KIAA1671: variants seen among roughly 807,000 people sequenced by gnomAD.
KIAA1671 encodes the protein uncharacterized protein KIAA1671.
Under a neutral mutation model 131.2 loss-of-function variants are expected in KIAA1671, and 52 were observed. The ratio of observed to expected loss-of-function variants is 0.40; its 90% CI spans 0.32 to 0.50. The LOEUF (loss-of-function observed/expected upper bound fraction) is 0.50, where lower values mean the gene tolerates loss of function less well. Ranked by LOEUF, KIAA1671 falls within the 20% of genes least tolerant of loss-of-function variation. The pLI is 0.73. For missense variants in KIAA1671, 2,360 were observed against 2,364.2 expected, an observed-to-expected ratio of 1.00 and a Z score of 0.04; for synonymous variants, 1,003 against 961.6, an observed-to-expected ratio of 1.04 and a Z score of -0.80.
chr22:25,123,301 A>G (rs1932033494), intron 6 of KIAA1671, among the ~76,000 whole-genome samples: 1 of 138,652 alleles, frequency 7.2e-6, no homozygotes, highest in Admixed American at 7.9e-5. Flanking sequence ...GGTTCAAGTG[A>G]TTTTCCTGCC....
At chr22:25,182,323 TTTTCTCTTCTTTCTTTCCTCCCTCCC>T (rs67723160) in intron 10 of KIAA1671, among the ~76,000 whole-genome samples, 42,355 of 145,644 alleles carry the variant, frequency 0.29, 6,817 homozygotes, top group East Asian at 0.47. Flanking sequence ...TTCTCCTTCC[TTTTCTCTTCTTTCTTTCCTCCCTCCC>T]TTTCTCTTCT....
chr22:25,185,285 T>C, intron 11 of KIAA1671, 166 bp downstream of exon 11: 1 of 798,112 alleles, frequency 1.3e-6, no homozygotes, highest in Non-Finnish European at 1.9e-6. Context: ...CTCAGATACC[T>C]AAAAAGTACA....
At chr22:25,024,100 A>T (rs1416004292) in intron 1 of KIAA1671, 1 of 152,254 alleles carries the variant, frequency 6.6e-6, no homozygotes, top group Non-Finnish European at 1.5e-5. Flanking sequence ...TACAAAGCAG[A>T]TGACGGGTCA....
chr22:25,034,410 T>A (rs1195574962), intron 4 of KIAA1671, among the ~76,000 whole-genome samples: 1 of 151,944 alleles, frequency 6.6e-6, no homozygotes, highest in East Asian at 1.9e-4. Context: ...TTTCTGTCCG[T>A]GTAGATTAGT....
chr22:25,056,649 A>C (rs1927853437), intron 6 of KIAA1671: 1 of 150,216 alleles, frequency 6.7e-6, no homozygotes, highest in Non-Finnish European at 1.5e-5. Context: ...TGCCATCTGT[A>C]CTAAAAATAC....
At chr22:25,162,237 G>T (rs1933471515) in intron 6 of KIAA1671, among the ~76,000 whole-genome samples, 1 of 152,196 alleles carries the variant, frequency 6.6e-6, no homozygotes, top group Non-Finnish European at 1.5e-5. Context: ...TACTGGTCTG[G>T]CCTGGACACA....
rs115273955 is a variant in KIAA1671, at chr22:25,068,762, C to T, written c.4530+19398C>T. Among the ~76,000 whole-genome samples, 411 of 152,266 alleles carry T rather than the reference C, an allele frequency of 2.7e-3. 1 individual carries two copies. The highest frequency in any genetic ancestry group is 9.3e-3 in the African/African-American group (386 of 41,572). On this transcript the variant is annotated intron_variant, in intron 6 of 12. Coordinates refer to ENST00000358431, the MANE Select transcript of KIAA1671 (RefSeq NM_001145206.2). ...ACCCTCTCCTTATTTAAGTGAGTTT[C>T]CTGTTAGATGCTCTGCCTGGTGTCC...
In KIAA1671 at chr22:25,185,021, C is replaced by T. The variant is rs767649206; in HGVS notation, c.5244C>T (p.Thr1748=). Residue 1748 remains threonine (T), a synonymous_variant, in exon 11 of 13, where the codon ACC becomes ACT. Coordinates refer to ENST00000358431, the MANE Select transcript of KIAA1671 (RefSeq NM_001145206.2). ...CAGAGGTGGACAGTCCTGGCGAGAC[C>T]CCCAGCTGGGCACCCCAACCCAAGA... ...KRPEVDSPGE[T]PSWAPQPKSP... is the part of the protein sequence containing the mutation. 6.4e-7 allele frequency: 1 copy of T among 1,551,618 alleles called. No homozygotes were observed. Among genetic ancestry groups the T allele is most frequent in the East Asian group, 2.4e-5 (1 of 40,912 alleles).
rs949290107 is a variant in KIAA1671, at chr22:25,184,987, A to G, written c.5210A>G (p.His1737Arg). 2 of 1,551,456 alleles carry G rather than the reference A, an allele frequency of 1.3e-6. No homozygotes were observed. Among genetic ancestry groups the G allele is most frequent in the African/African-American group, 2.7e-5 (2 of 73,040 alleles). Residue 1737 changes from histidine to arginine, a missense_variant, in exon 11 of 13, where the codon CAC becomes CGC. This residue lies in a region of KIAA1671 where 1,161 missense variants were observed against 1,204.7 expected (regional missense o/e 0.96). Transcript: ENST00000358431. ...CTCTTTTCTCCCCAGGCTCAGCTGC[A>G]CAAGAGGCCAGAGGTGGACAGTCCT... ...MDPAVLKAQL[H>R]KRPEVDSPGE...
At chr22:25,186,122 G>A (rs1173774093) in intron 11 of KIAA1671, 2 of 152,204 alleles carry the variant, frequency 1.3e-5, no homozygotes, top group Non-Finnish European at 2.9e-5. Flanking sequence ...AACTGCTTTA[G>A]TGCTACCACT....
At chr22:25,108,828 G>C (rs1236532201) in intron 6 of KIAA1671, among the ~76,000 whole-genome samples, 1 of 152,112 alleles carries the variant, frequency 6.6e-6, no homozygotes, top group Non-Finnish European at 1.5e-5. Context: ...CTGTGACTTG[G>C]AATTTCTTAT....
chr22:25,067,054 G>A (rs563817274), intron 6 of KIAA1671, among the ~76,000 whole-genome samples: 1 of 152,288 alleles, frequency 6.6e-6, no homozygotes, highest in Admixed American at 6.5e-5. Flanking sequence ...CACGGGTCAG[G>A]GTGGTGGTCA....
In KIAA1671 at chr22:25,185,050, C is replaced by T; in HGVS notation, c.5273C>T (p.Pro1758Leu). ...AGCTGGGCACCCCAACCCAAGAGCC[C>T]CAAGTCCCCCTTCCAGCCTGGGGTG... ...TPSWAPQPKS[P>L]KSPFQPGVLG... Residue 1758 changes from proline (P) to leucine (L), a missense_variant, in exon 11 of 13, where the codon CCC (proline) becomes CTC (leucine). By Grantham distance (98) the Pro-to-Leu change is moderately conservative (BLOSUM62 -3). Coordinates refer to ENST00000358431, the MANE Select transcript of KIAA1671 (RefSeq NM_001145206.2). The T allele has an allele frequency of 6.4e-7, 1 of 1,551,650 alleles. No individual in the cohort carries two copies. The highest frequency in any genetic ancestry group is 8.7e-7 in the Non-Finnish European group (1 of 1,146,986).
At chr22:25,050,835 T>A (rs1927494483) in intron 6 of KIAA1671, 1 of 152,286 alleles carries the variant, frequency 6.6e-6, no homozygotes, top group Non-Finnish European at 1.5e-5. Flanking sequence ...TTCCATTGAC[T>A]TCTTTCTCAG....
intron 1 of KIAA1671, among the ~76,000 whole-genome samples, chr22:25,006,472 G>GA (rs1569204298): frequency 1.3e-5 from 2 of 152,122 alleles, no homozygotes; most frequent in African/African-American, 4.8e-5. Context: ...TGGTCGCCTG[G>GA]GGGGCGACCG....
In KIAA1671 at chr22:25,028,015, G is replaced by A. The variant is rs1926044311; in HGVS notation, c.16G>A (p.Glu6Lys). Residue 6 changes from glutamate to lysine, a missense_variant, in exon 3 of 13, where the codon GAG becomes AAG. Physicochemically the swap from Glu to Lys is moderately conservative, Grantham distance 56. This residue lies in a region of KIAA1671 where 1,185 missense variants were observed against 1,126.2 expected (regional missense o/e 1.05). Coordinates refer to ENST00000358431, the MANE Select transcript of KIAA1671 (RefSeq NM_001145206.2). MATRV[E>K]VGSITPLTAV... ...AACCATAACCATGGCCACGCGGGTC[G>A]AGGTGGGCTCCATAACGCCCTTGAC... 2 of 1,497,478 alleles carry A rather than the reference G, an allele frequency of 1.3e-6. No individual in the cohort carries two copies. The highest frequency in any genetic ancestry group is 1.8e-6 in the Non-Finnish European group (2 of 1,119,288). The allele number at this position is 1,497,478 out of a possible 1,614,324, so 92.8% of individuals were successfully genotyped here. A position where few individuals can be genotyped will look rare whatever the true frequency, so the allele number is the denominator to read the frequency against.
intron 6 of KIAA1671, among the ~76,000 whole-genome samples, chr22:25,156,013 T>TA (rs1491315682): frequency 2.9e-5 from 1 of 34,662 alleles, no homozygotes; most frequent in African/African-American, 2.7e-4. Flanking sequence ...GTGTATGTGC[T>TA]TTTTTTTTTT....
intron 4 of KIAA1671, 147 bp downstream of exon 4, chr22:25,032,843 A>G (rs1926367204): frequency 2.0e-6 from 1 of 490,818 alleles, no homozygotes; most frequent in African/African-American, 1.9e-5. Flanking sequence ...TAATGTTGGG[A>G]CTTTGAAGTC....
Position 25,029,378 on chromosome 22 carries a change from T to C in KIAA1671, c.1379T>C (p.Leu460Pro), listed in dbSNP as rs374342090. 205 of 1,551,356 alleles carry C rather than the reference T, an allele frequency of 1.3e-4. 1 individual carries two copies. The African/African-American group carries it at 2.4e-3, about 18-fold the overall frequency. Residue 460 changes from leucine (L) to proline (P), a missense_variant, in exon 3 of 13, where the codon CTG becomes CCG. Physicochemically the swap from Leu to Pro is moderately conservative, Grantham distance 98 (BLOSUM62 -3). Transcript: ENST00000358431. ...LALAVGSESPLATPASPSAAP... is the reference protein window; with the variant it reads ...LALAVGSESPPATPASPSAAP... ...TTGGCAGTGGGGTCTGAATCTCCCC[T>C]GGCCACCCCTGCGTCCCCATCGGCG...
Sources: gnomAD v4.1 joint callset for allele counts (sites outside exome capture counted in the v4.1 genomes callset) on GRCh38, gnomAD v4.1.1 for gene constraint, gnomAD v4.1.1 regional missense constraint, MANE v1.5 for transcripts, NCBI Gene and HGNC (gene_info 2026-07-23, HGNC 2026-07-21) for gene names.